Variants in C3orf20 observed in about 807,000 individuals in gnomAD.
The protein encoded by C3orf20 is uncharacterized protein C3orf20.
C3orf20 carries 76 observed loss-of-function variants against 88.3 expected under a neutral mutation model. The ratio of observed to expected loss-of-function variants is 0.86; its 90% confidence interval spans 0.72 to 1.04. The LOEUF is 1.04. Ranked by LOEUF, C3orf20 falls within the 50% of genes least tolerant of loss-of-function variation. The pLI is 0.00. For missense variants in C3orf20, 1,056 were observed against 1,123.3 expected (o/e 0.94, Z 0.86); for synonymous variants, 436 against 437.4 (o/e 1.00, Z 0.04).
At chr3:14,765,063 G>A (rs1433794246) in intron 15 of C3orf20, 1 of 152,354 alleles carries the variant, frequency 6.6e-6, no homozygotes, top group African/African-American at 2.4e-5. Context: ...GATACTGGGT[G>A]AAATCTCACA....
chr3:14,752,851 A>G (rs2035258195), intron 12 of C3orf20, among the ~76,000 whole-genome samples: 1 of 152,222 alleles, frequency 6.6e-6, no homozygotes, highest in African/African-American at 2.4e-5. Context: ...GATGCTGGAG[A>G]GGATGTGGAG....
chr3:14,710,142 A>G (rs867608148), intron 7 of C3orf20, among the ~76,000 whole-genome samples: 15 of 151,374 alleles, frequency 9.9e-5, no homozygotes, highest in Non-Finnish European at 5.9e-5. Context: ...ATCTGACTTT[A>G]TGGTGTACAG....
At chr3:14,714,205 G>A (rs1460716290) in intron 8 of C3orf20, 46 bp downstream of exon 8, 1 of 1,599,004 alleles carries the variant, frequency 6.3e-7, no homozygotes, top group Non-Finnish European at 8.5e-7. Flanking sequence ...TACCTCTGAG[G>A]GTGATGGAGG....
chr3:14,750,895 C>T (rs2035201190), intron 12 of C3orf20, among the ~76,000 whole-genome samples: 1 of 152,084 alleles, frequency 6.6e-6, no homozygotes, highest in African/African-American at 2.4e-5. Context: ...CTTTCTGCTC[C>T]TTTCTTTCCT....
intron 12 of C3orf20, among the ~76,000 whole-genome samples, chr3:14,742,884 A>G (rs1039446575): frequency 6.6e-6 from 1 of 152,174 alleles, no homozygotes; most frequent in African/African-American, 2.4e-5. Context: ...GGAGAATAGC[A>G]TGGGAAAGAC....
chr3:14,740,131 C>T (rs2034857622), intron 12 of C3orf20, among the ~76,000 whole-genome samples: 1 of 152,218 alleles, frequency 6.6e-6, no homozygotes, highest in Admixed American at 6.5e-5. Context: ...TTAAACCTAT[C>T]TCAGCTTTCA....
At chr3:14,761,732 T>TGTGGGGGGGGGGGGGGGGG in intron 15 of C3orf20, 117 bp downstream of exon 15, 1 of 291,366 alleles carries the variant, frequency 3.4e-6, no homozygotes, top group Non-Finnish European at 5.7e-6. Context: ...AGGGATGGAG[T>TGTGGGGGGGGGGGGGGGGG]GGGGAGGGGG....
At chr3:14,755,312 A>C (rs578249597) in intron 12 of C3orf20, among the ~76,000 whole-genome samples, 1 of 152,118 alleles carries the variant, frequency 6.6e-6, no homozygotes, top group Admixed American at 6.5e-5. Flanking sequence ...GACTTTATCA[A>C]TCTTTTTCTA....
At position 14,728,145 on chromosome 3, in the gene C3orf20, T is replaced by TCAA. The variant is rs2124987689; in HGVS notation, c.1691-294_1691-293insCAA. Among the ~76,000 whole-genome samples, 4 of 152,302 alleles carry TCAA rather than the reference T, an allele frequency of 2.6e-5. No individual in the cohort carries two copies. In the East Asian group the frequency reaches 5.8e-4, roughly 22 times the overall value. On this transcript the variant is annotated intron_variant, in intron 11 of 16. Coordinates refer to ENST00000253697, the MANE Select transcript of C3orf20 (RefSeq NM_032137.5). ...TGCATTGTGTAGCTAGCCTCTACAT[T>TCAA]TGGTGCTGGCGAGGACACAGGCTGA...
chr3:14,757,317 CA>C, intron 12 of C3orf20, 53 bp from the exon 13 acceptor site: 1 of 1,496,780 alleles, frequency 6.7e-7, no homozygotes, highest in Non-Finnish European at 9.1e-7. Context: ...CTCTGGGAAC[CA>C]CAGACCTTCA....
chr3:14,717,241 G>A (rs573783879), intron 9 of C3orf20, among the ~76,000 whole-genome samples: 4 of 152,192 alleles, frequency 2.6e-5, no homozygotes, highest in African/African-American at 9.7e-5. Context: ...ACATAGCGGA[G>A]GGAAAAGTGC....
At chr3:14,735,222 T>C (rs933764987) in intron 12 of C3orf20, among the ~76,000 whole-genome samples, 1 of 151,886 alleles carries the variant, frequency 6.6e-6, no homozygotes, top group African/African-American at 2.4e-5. Context: ...ATTTTTACAT[T>C]AATATAATTA....
At chr3:14,713,618 G>T (rs1195777821) in intron 7 of C3orf20, among the ~76,000 whole-genome samples, 1 of 152,112 alleles carries the variant, frequency 6.6e-6, no homozygotes. Flanking sequence ...TGTGACATGG[G>T]GCAGATAATT....
At chr3:14,735,163 GTATT>G (rs2034666207) in intron 12 of C3orf20, among the ~76,000 whole-genome samples, 2 of 151,294 alleles carry the variant, frequency 1.3e-5, no homozygotes, top group African/African-American at 4.9e-5. Context: ...TTTAATTAGA[GTATT>G]TAATCTTTTT....
intron 1 of C3orf20, among the ~76,000 whole-genome samples, chr3:14,681,142 C>T (rs1178354377): frequency 6.6e-6 from 1 of 152,208 alleles, no homozygotes; most frequent in East Asian, 1.9e-4. Context: ...CAGGAGTCTG[C>T]AGATGGGTGA....
intron 9 of C3orf20, among the ~76,000 whole-genome samples, chr3:14,716,366 A>G (rs949852364): frequency 2.0e-5 from 3 of 152,190 alleles, no homozygotes; most frequent in Admixed American, 6.5e-5. Flanking sequence ...CATAGCATCC[A>G]CTCAAGCTGG....
chr3:14,709,442 C>G (rs2033653366), intron 7 of C3orf20, among the ~76,000 whole-genome samples: 1 of 152,042 alleles, frequency 6.6e-6, no homozygotes, highest in Non-Finnish European at 1.5e-5. Flanking sequence ...TTGTCTTGTT[C>G]TTTATATTAG....
At chr3:14,705,270 C>G (rs901170135) in intron 7 of C3orf20, among the ~76,000 whole-genome samples, 2 of 152,272 alleles carry the variant, frequency 1.3e-5, no homozygotes, top group Non-Finnish European at 2.9e-5. Context: ...CTTATCTATA[C>G]ATGCCTGTAA....
intron 7 of C3orf20, among the ~76,000 whole-genome samples, chr3:14,705,145 T>G (rs1031376247): frequency 1.3e-5 from 2 of 152,228 alleles, no homozygotes; most frequent in African/African-American, 4.8e-5. Flanking sequence ...CTGACTGGGC[T>G]CATGAGCATA....
Sources: allele counts gnomAD v4.1 joint callset (sites outside exome capture counted in the v4.1 genomes callset), GRCh38; gene constraint gnomAD v4.1.1; transcripts MANE v1.5; gene names NCBI Gene and HGNC (gene_info 2026-07-23, HGNC 2026-07-21).